Variants in ISLR2 observed in about 807,000 individuals in gnomAD.
ISLR2 encodes the protein immunoglobulin superfamily containing leucine-rich repeat protein 2.
Under a neutral mutation model 25.5 loss-of-function variants are expected in ISLR2, and 16 were observed. The ratio of observed to expected loss-of-function variants is 0.63; its 90% CI spans 0.43 to 0.95. ISLR2 has a LOEUF of 0.95. Ranked by LOEUF, ISLR2 falls within the 40% of genes least tolerant of loss-of-function variation. The pLI, the probability that ISLR2 is intolerant of heterozygous loss-of-function variation, is 0.00. For missense variants in ISLR2, 883 were observed against 1,030.7 expected (o/e 0.86, Z 1.96); for synonymous variants, 508 against 486.6 (o/e 1.04, Z -0.58).
chr15:74,107,063 G>T lies in ISLR2; in HGVS notation n.228+3149G>T, dbSNP rs185638408. 9.9e-5 allele frequency among the ~76,000 whole-genome samples: 15 copies of T among 151,440 alleles called. No individual in the cohort carries two copies. The South Asian group carries it at 2.5e-3, about 25-fold the overall frequency. On this transcript the variant is annotated intron_variant and non_coding_transcript_variant, in intron 2 of 3. Coordinates refer to the ISLR2 transcript ENST00000561975. The stretch of plus-strand genomic sequence containing the variant: ...GAGGAGGTGCCTGCTGGAGGGACTG[G>T]GGGGAGCAAGCATGGCCCAGGGCCC...
At chr15:74,107,566 G>C (rs2072130772) in intron 2 of ISLR2, among the ~76,000 whole-genome samples, 1 of 152,110 alleles carries the variant, frequency 6.6e-6, no homozygotes, top group Non-Finnish European at 1.5e-5. Flanking sequence ...CTCCAGCTCT[G>C]CCTGCCCTAC....
intron 2 of ISLR2, among the ~76,000 whole-genome samples, chr15:74,112,806 G>A (rs1480260608): frequency 1.3e-5 from 2 of 150,558 alleles, no homozygotes; most frequent in African/African-American, 4.9e-5. Context: ...CAGATTACAG[G>A]TGTGAGTCAC....
rs200788329 is a variant in ISLR2 at position 74,132,404 on chromosome 15, G to A, written c.-8-343G>A. On this transcript the variant is annotated intron_variant, in intron 2 of 2. Transcript: ENST00000453268. This position sits in a 1 kb window ranked among gnomAD's most constrained non-coding sequence, Gnocchi z 4.3. ...GATCCATTTCACCAGGTTAAACGAA[G>A]GCTTAGAAACACAGAGAGGGGTACG... 3.6e-4 allele frequency among the ~76,000 whole-genome samples: 55 copies of A among 152,300 alleles called. No individual in the cohort carries two copies. Among genetic ancestry groups the A allele is most frequent in the East Asian group, 1.5e-3 (8 of 5,176 alleles).
chr15:74,141,403 T>C (rs149839155), downstream of ISLR2, among the ~76,000 whole-genome samples: 12 of 152,322 alleles, frequency 7.9e-5, no homozygotes, highest in East Asian at 2.1e-3. Context: ...TCTATGATTA[T>C]ATAAATTACC....
intron 2 of ISLR2, among the ~76,000 whole-genome samples, chr15:74,111,436 T>A (rs1446212136): frequency 6.6e-6 from 1 of 151,918 alleles, no homozygotes; most frequent in East Asian, 2.0e-4. Flanking sequence ...AGTACAGGCG[T>A]GCACCATCAT....
At chr15:74,129,151 T>A, upstream of ISLR2, 1 of 430,932 alleles carries the variant, frequency 2.3e-6, no homozygotes, top group South Asian at 1.7e-5. The surrounding 1 kb of genome is among the most constrained non-coding windows in gnomAD (Gnocchi z 4.5). Flanking sequence ...TGTTCTGAAC[T>A]GGGGCTGAGC....
chr15:74,130,906 G>T (rs1198257721), intron 1 of ISLR2, among the ~76,000 whole-genome samples: 1 of 152,018 alleles, frequency 6.6e-6, no homozygotes, highest in African/African-American at 2.4e-5. Context: ...GGTTATGGGG[G>T]TGCAGTAGGC....
In ISLR2 at chr15:74,133,420, G is replaced by A; in HGVS notation, c.666G>A (p.Val222=). 1.2e-6 allele frequency: 2 copies of A among 1,607,468 alleles called. No individual in the cohort carries two copies. The highest frequency in any genetic ancestry group is 2.2e-5 in the East Asian group (1 of 44,862). The change falls in exon 3 of 3, where the codon GTG becomes GTA. Residue 222 remains valine (V), a synonymous_variant. Coordinates refer to ENST00000453268, the MANE Select transcript of ISLR2 (RefSeq NM_020851.3). The stretch of plus-strand genomic sequence containing the variant: ...CTCCCGCGCTGCAGGGGGTGCCGGT[G>A]TACCGCCTGCCCGCCCTGCCCTGTG... The part of the protein sequence containing the change: ...ASPPALQGVP[V]YRLPALPCAP...
upstream of ISLR2, chr15:74,128,424 C>G (rs1433441802): frequency 1.3e-5 from 6 of 455,900 alleles, no homozygotes; most frequent in Non-Finnish European, 2.2e-5. Flanking sequence ...TCACCGCGTC[C>G]TTAACCACCC....
At chr15:74,112,845 T>TTTG (rs2072180222) in intron 2 of ISLR2, among the ~76,000 whole-genome samples, 1 of 149,808 alleles carries the variant, frequency 6.7e-6, no homozygotes. Flanking sequence ...TTTTTTTTTT[T>TTTG]GAGACAAGAT....
At chr15:74,109,463 C>G (rs569243919) in intron 2 of ISLR2, among the ~76,000 whole-genome samples, 1 of 152,332 alleles carries the variant, frequency 6.6e-6, no homozygotes, top group Non-Finnish European at 1.5e-5. Context: ...TGCACAACCC[C>G]AGGGGCAGGA....
At chr15:74,104,150 T>A (rs2072101927) in intron 2 of ISLR2, among the ~76,000 whole-genome samples, 2 of 152,362 alleles carry the variant, frequency 1.3e-5, no homozygotes, top group Admixed American at 1.3e-4. Flanking sequence ...CTAACATTGT[T>A]CCAGAGGGTT....
In ISLR2 at chr15:74,134,991, G is replaced by A. The variant is rs1274660879; in HGVS notation, c.2237G>A (p.Ter746=). The change falls in exon 3 of 3, where the codon TGA becomes TAA. Residue 746 remains the stop codon, a stop_retained_variant. Coordinates refer to ENST00000453268, the MANE Select transcript of ISLR2 (RefSeq NM_020851.3). ...GGCAACTACAGGCAGACGGCAGGCTGAACCTCCGCCCGTCCGGCCCGCCCA... is the reference window on the plus strand; with the variant it reads ...GGCAACTACAGGCAGACGGCAGGCTAAACCTCCGCCCGTCCGGCCCGCCCA... ...INGNYRQTAG[*] 1.9e-6 allele frequency: 3 copies of A among 1,610,920 alleles called. No homozygotes were observed. The highest frequency in any genetic ancestry group is 2.5e-6 in the Non-Finnish European group (3 of 1,178,728).
intron 2 of ISLR2, among the ~76,000 whole-genome samples, chr15:74,113,025 C>T (rs567983061): frequency 4.6e-5 from 7 of 152,066 alleles, no homozygotes; most frequent in South Asian, 2.1e-4. Flanking sequence ...TTTCTACAGA[C>T]GGGGTCAGGG....
chr15:74,106,677 T>G (rs182209516), intron 2 of ISLR2, among the ~76,000 whole-genome samples: 1 of 151,872 alleles, frequency 6.6e-6, no homozygotes, highest in Admixed American at 6.6e-5. Flanking sequence ...TTCTGAGAGG[T>G]TAAATGACTT....
chr15:74,135,316 A>C lies in ISLR2; in HGVS notation c.*324A>C. ...CCATTCCCGTCGCGATTATCTGCGA[A>C]ATCCACCCCGCAGCCCGCCCCACCG... On this transcript the variant is annotated 3_prime_UTR_variant, in exon 3 of 3. Coordinates refer to ENST00000453268, the MANE Select transcript of ISLR2 (RefSeq NM_020851.3). 3.3e-6 allele frequency: 1 copy of C among 306,396 alleles called. No individual in the cohort carries two copies. Among genetic ancestry groups the C allele is most frequent in the Non-Finnish European group, 6.6e-6 (1 of 152,260 alleles). 19.0% of individuals were successfully genotyped at this position (306,396 alleles called of 1,614,324 possible).
chr15:74,107,450 T>C (rs985769301), intron 2 of ISLR2, among the ~76,000 whole-genome samples: 2 of 152,094 alleles, frequency 1.3e-5, no homozygotes, highest in African/African-American at 2.4e-5. Flanking sequence ...TGGCAGATGA[T>C]GTGTGTCTGG....
chr15:74,136,077 G>C lies in ISLR2; in HGVS notation c.*1085G>C, dbSNP rs1299020690. The C allele has an allele frequency of 2.4e-5, 4 of 166,762 alleles. No individual in the cohort carries two copies. The highest frequency in any genetic ancestry group is 9.6e-5 in the African/African-American group (4 of 41,478). The allele number at this position is 166,762 out of a possible 1,614,324, so 10.3% of individuals were successfully genotyped here. On this transcript the variant is annotated 3_prime_UTR_variant, in exon 3 of 3. Transcript: ENST00000453268. ...TGGGAAAATCGAGTGTGTGTGTCGG[G>C]GGGTAGGGAGGGAATGCGTTTTCTG...
chr15:74,132,629 GT>G lies in ISLR2; in HGVS notation c.-8-116del. ...AGAGAGGCTCCTGGCCATAGAGGAG[GT>G]TACCGGAGCCCTGGAACTAGTGCTA... On this transcript the variant is annotated intron_variant, in intron 2 of 2. Coordinates refer to ENST00000453268, the MANE Select transcript of ISLR2 (RefSeq NM_020851.3). This position sits in a 1 kb window ranked among gnomAD's most constrained non-coding sequence, Gnocchi z 4.3. The G allele has an allele frequency of 7.3e-7, 1 of 1,376,582 alleles. No homozygotes were observed. The highest frequency in any genetic ancestry group is 1.5e-5 in the South Asian group (1 of 67,172). The allele number at this position is 1,376,582 out of a possible 1,614,324, so 85.3% of individuals were successfully genotyped here. A position where few individuals can be genotyped will look rare whatever the true frequency, so the allele number is the denominator to read the frequency against.
Sources: allele counts gnomAD v4.1 joint callset (sites outside exome capture counted in the v4.1 genomes callset), GRCh38; gene constraint gnomAD v4.1.1; non-coding constraint Gnocchi (gnomAD v3.1); transcripts MANE v1.5; gene names NCBI Gene and HGNC (gene_info 2026-07-23, HGNC 2026-07-21).